RASA1: variants seen among roughly 807,000 people sequenced by gnomAD.
RASA1 encodes RAS p21 protein activator 1, also known as ras GTPase-activating protein 1.
Under a neutral mutation model 132.2 loss-of-function variants are expected in RASA1, and 25 were observed. The observed-to-expected ratio is 0.19, with a 90% CI of 0.14 to 0.26. RASA1 has a LOEUF of 0.26. RASA1 is among the 10% of genes least tolerant of loss of function. The pLI is 1.00. For missense variants in RASA1, 964 were observed against 1,299.2 expected, an observed-to-expected ratio of 0.74 and a Z score of 3.97; for synonymous variants, 477 against 449.9, an observed-to-expected ratio of 1.06 and a Z score of -0.76.
chr5:87,378,544 A>G lies in RASA1; in HGVS notation c.2487+6A>G. 1 of 1,601,400 alleles carries G rather than the reference A, an allele frequency of 6.2e-7. No individual in the cohort carries two copies. Among genetic ancestry groups the G allele is most frequent in the East Asian group, 2.2e-5 (1 of 44,664 alleles). Reference sequence around the variant, plus strand: ...AAAGCAAGCAGTCTTGTGAGGTAAGAATTTAATGTTTTAATAAGTATTTTT... The same window carrying G: ...AAAGCAAGCAGTCTTGTGAGGTAAGGATTTAATGTTTTAATAAGTATTTTT... On this transcript the variant is annotated splice_donor_region_variant and intron_variant, in intron 18 of 24. Transcript: ENST00000274376.
At chr5:87,360,971 C>T (rs1450172879) in intron 9 of RASA1, among the ~76,000 whole-genome samples, 1 of 152,116 alleles carries the variant, frequency 6.6e-6, no homozygotes, top group Non-Finnish European at 1.5e-5. Context: ...GCAAAGATGG[C>T]CTTTTATGTT....
In RASA1 at chr5:87,349,281, C is replaced by T. The variant is rs1417742842; in HGVS notation, c.1170C>T (p.Phe390=). The change falls in exon 8 of 25, where the codon TTC becomes TTT. Residue 390 remains phenylalanine (F), a synonymous_variant. Transcript: ENST00000274376. ...DNTPGDYSLY[F]RTNENIQRFK... is the part of the protein sequence containing the mutation. ...CTCCTGGCGATTATTCACTTTATTT[C>T]CGGACCAATGAAAATATTCAGCGAT... The T allele has an allele frequency of 6.2e-7, 1 of 1,612,028 alleles. No homozygotes were observed. The highest frequency in any genetic ancestry group is 8.5e-7 in the Non-Finnish European group (1 of 1,178,764).
In RASA1 at chr5:87,268,787, A is replaced by C. The variant is rs372505474; in HGVS notation, c.336A>C (p.Gly112=). ...GTGCTGCTGTTGCTGGACCTAGTGG[A>C]GACATGGCTCTCACCAAACTGCCCA... ...VAGAAVAGPS[G]DMALTKLPTS... The change falls in exon 1 of 25, where the codon GGA becomes GGC. Residue 112 remains glycine, a synonymous_variant. Coordinates refer to ENST00000274376, the MANE Select transcript of RASA1 (RefSeq NM_002890.3). The C allele has an allele frequency of 1.2e-6, 2 of 1,613,670 alleles. No homozygotes were observed. The highest frequency in any genetic ancestry group is 2.7e-5 in the African/African-American group (2 of 74,776).
chr5:87,314,621 T>A (rs936322649), intron 1 of RASA1, among the ~76,000 whole-genome samples: 1 of 152,078 alleles, frequency 6.6e-6, no homozygotes, highest in Non-Finnish European at 1.5e-5. Context: ...AAACCAGCAA[T>A]AGATGGTTCA....
At chr5:87,382,926 A>T (rs1309093560) in intron 20 of RASA1, among the ~76,000 whole-genome samples, 1 of 149,250 alleles carries the variant, frequency 6.7e-6, no homozygotes, top group Admixed American at 6.6e-5. Context: ...CTACAAAAAT[A>T]ATTAAAAAAA....
intron 1 of RASA1, among the ~76,000 whole-genome samples, chr5:87,295,379 T>A (rs1447749809): frequency 6.6e-6 from 1 of 151,984 alleles, no homozygotes; most frequent in Non-Finnish European, 1.5e-5. Context: ...CTTACGATTT[T>A]CTATTTGTTG....
chr5:87,318,834 C>T (rs926582323), intron 1 of RASA1: 2 of 152,212 alleles, frequency 1.3e-5, no homozygotes, highest in Non-Finnish European at 2.9e-5. Context: ...TTAACTCCTT[C>T]CAGCATTAAC....
chr5:87,337,845 G>A, intron 4 of RASA1, 129 bp from the exon 5 acceptor site: 1 of 928,510 alleles, frequency 1.1e-6, no homozygotes, highest in Non-Finnish European at 1.5e-6. Flanking sequence ...ACAAATTTAG[G>A]GTGTTTGACT....
intron 1 of RASA1, among the ~76,000 whole-genome samples, chr5:87,298,626 A>T (rs1401278645): frequency 6.6e-6 from 1 of 152,166 alleles, no homozygotes; most frequent in Non-Finnish European, 1.5e-5. Flanking sequence ...ATAATATTTG[A>T]TAATGTTTTT....
intron 1 of RASA1, among the ~76,000 whole-genome samples, chr5:87,325,236 TG>T (rs1757144969): frequency 6.6e-6 from 1 of 152,128 alleles, no homozygotes; most frequent in Non-Finnish European, 1.5e-5. Context: ...AACAGCAGCA[TG>T]GGGGTAACTG....
intron 2 of RASA1, 131 bp from the exon 3 acceptor site, chr5:87,332,376 A>G (rs1434401984): frequency 9.0e-6 from 8 of 893,480 alleles, no homozygotes; most frequent in Non-Finnish European, 1.2e-5. Context: ...AATAAGTGGT[A>G]TTTTAGTATA....
At chr5:87,340,440 C>T (rs905535022) in intron 5 of RASA1, among the ~76,000 whole-genome samples, 3 of 151,632 alleles carry the variant, frequency 2.0e-5, no homozygotes, top group Non-Finnish European at 4.4e-5. Flanking sequence ...TAAGCCTACT[C>T]CCTTGGATAT....
At chr5:87,280,969 A>G (rs1462647249) in intron 1 of RASA1, among the ~76,000 whole-genome samples, 3 of 151,450 alleles carry the variant, frequency 2.0e-5, no homozygotes, top group African/African-American at 7.3e-5. Context: ...TTGCATGTAT[A>G]TATCACCTTT....
chr5:87,373,706 A>T (rs1292115544), intron 13 of RASA1, among the ~76,000 whole-genome samples: 2 of 152,314 alleles, frequency 1.3e-5, no homozygotes, highest in Non-Finnish European at 2.9e-5. Flanking sequence ...ATAAGAAGGT[A>T]AAGTCAGTGT....
intron 8 of RASA1, 24 bp downstream of exon 8, chr5:87,349,388 CTT>C (rs778502318): frequency 2.2e-5 from 35 of 1,609,656 alleles, no homozygotes; most frequent in Non-Finnish European, 2.9e-5. Flanking sequence ...TTTTAGCTAT[CTT>C]TTACTTTTCG....
intron 7 of RASA1, 101 bp from the exon 8 acceptor site, chr5:87,349,113 C>T (rs1435309687): frequency 7.4e-7 from 1 of 1,355,614 alleles, no homozygotes; most frequent in East Asian, 2.4e-5. Context: ...TGAAAATTTA[C>T]ATATGTTTAT....
chr5:87,354,610 A>G (rs879491872), intron 9 of RASA1, among the ~76,000 whole-genome samples: 9 of 152,138 alleles, frequency 5.9e-5, no homozygotes, highest in African/African-American at 7.2e-5. Flanking sequence ...AATTGGGCCA[A>G]TTAATAACCC....
intron 2 of RASA1, 142 bp from the exon 3 acceptor site, chr5:87,332,365 T>G: frequency 1.2e-6 from 1 of 807,448 alleles, no homozygotes; most frequent in Non-Finnish European, 1.9e-6. Context: ...ATGAAGATAC[T>G]AATAAGTGGT....
At chr5:87,309,133 T>C (rs1039680758) in intron 1 of RASA1, among the ~76,000 whole-genome samples, 6 of 152,152 alleles carry the variant, frequency 3.9e-5, no homozygotes, top group Non-Finnish European at 8.8e-5. Flanking sequence ...TCTGTATATA[T>C]TGGTTTATTT....
Sources: gnomAD v4.1 joint callset for allele counts (sites outside exome capture counted in the v4.1 genomes callset) on GRCh38, gnomAD v4.1.1 for gene constraint, MANE v1.5 for transcripts, NCBI Gene and HGNC (gene_info 2026-07-23, HGNC 2026-07-21) for gene names.